The following CACYBP variants were observed in gnomAD, a reference collection of about 807,000 sequenced individuals.
The protein encoded by CACYBP is calcyclin-binding protein.
In CACYBP, 11 loss-of-function variants were observed where a neutral mutation model predicts 29.6. The ratio of observed to expected loss-of-function variants is 0.37; its 90% CI spans 0.23 to 0.61. The LOEUF (loss-of-function observed/expected upper bound fraction) is 0.61. Among genes scored for constraint, CACYBP ranks in the 20% least tolerant of loss-of-function variants. CACYBP has a pLI of 0.65. For synonymous variants in CACYBP, 73 were observed against 88.3 expected, an observed-to-expected ratio of 0.83 and a Z score of 0.97; for missense variants, 163 against 260.7, an observed-to-expected ratio of 0.63 and a Z score of 2.58.
chr1:175,008,939 C>T, intron 5 of CACYBP: 1 of 417,670 alleles, frequency 2.4e-6, no homozygotes. Context: ...TGCCCATTCC[C>T]AGATACTCTG....
chr1:175,001,665 C>T (rs1672491558), intron 1 of CACYBP, among the ~76,000 whole-genome samples: 1 of 152,224 alleles, frequency 6.6e-6, no homozygotes, highest in Admixed American at 6.5e-5. Context: ...AGTACACATG[C>T]TCTTTATGGC....
rs757580449 is a variant in CACYBP at position 175,011,976 on chromosome 1, T to TG, written c.*1898dup. On this transcript the variant is annotated 3_prime_UTR_variant, in exon 6 of 6. Transcript: ENST00000367679. ...AAAACTAGCTGGGCATGGTGGCAGATGCCTGTAACTCCAGCTACTCGGGAG... is the reference window on the plus strand; with the variant it reads ...AAAACTAGCTGGGCATGGTGGCAGATGGCCTGTAACTCCAGCTACTCGGGAG... Among the ~76,000 whole-genome samples the TG allele has an allele frequency of 1.1e-4, 16 of 152,120 alleles. No individual in the cohort carries two copies. Among genetic ancestry groups the TG allele is most frequent in the Non-Finnish European group, 2.1e-4 (14 of 68,026 alleles).
chr1:175,010,689 C>T lies in CACYBP; in HGVS notation c.*610C>T, dbSNP rs578111557. 1 of 152,156 alleles carries T rather than the reference C, an allele frequency of 6.6e-6. No individual in the cohort carries two copies. The highest frequency in any genetic ancestry group is 1.9e-4 in the East Asian group (1 of 5,182). The allele number at this position is 152,156 out of a possible 1,614,324, so 9.4% of individuals were successfully genotyped here. Reference sequence around the variant, plus strand: ...TAATAGACATATCTTTGTATGGTACCAGTTAGTTTTGCCGTGGATCAGATG... The same window carrying T: ...TAATAGACATATCTTTGTATGGTACTAGTTAGTTTTGCCGTGGATCAGATG... On this transcript the variant is annotated 3_prime_UTR_variant, in exon 6 of 6. Transcript: ENST00000367679.
Position 175,011,725 on chromosome 1 carries a change from T to TA in CACYBP, c.*1647dup, listed in dbSNP as rs1672761909. ...TTTTACCTTTCACTTGAAAAAGAAGTATAAAAACAACTGTATTGAGTTGAG... is the reference window on the plus strand; with the variant it reads ...TTTTACCTTTCACTTGAAAAAGAAGTAATAAAAACAACTGTATTGAGTTGAG... On this transcript the variant is annotated 3_prime_UTR_variant, in exon 6 of 6. Transcript: ENST00000367679. 1 of 152,104 alleles carries TA rather than the reference T, an allele frequency of 6.6e-6. No homozygotes were observed. The highest frequency in any genetic ancestry group is 1.5e-5 in the Non-Finnish European group (1 of 68,030). The allele number at this position is 152,104 out of a possible 1,614,324, so 9.4% of individuals were successfully genotyped here.
chr1:175,003,546 C>T (rs1241757630), intron 1 of CACYBP, among the ~76,000 whole-genome samples: 5 of 152,282 alleles, frequency 3.3e-5, no homozygotes, highest in African/African-American at 1.2e-4. Flanking sequence ...TTTTATAAGA[C>T]TATTAAGAAA....
chr1:175,002,540 T>G (rs1672518255), intron 1 of CACYBP, among the ~76,000 whole-genome samples: 1 of 152,116 alleles, frequency 6.6e-6, no homozygotes, highest in Admixed American at 6.5e-5. Flanking sequence ...TGGGTAGGGA[T>G]AAAAGAGAAA....
upstream of CACYBP, chr1:174,999,916 G>C: frequency 1.8e-6 from 1 of 544,386 alleles, no homozygotes; most frequent in Non-Finnish European, 3.2e-6. Context: ...TAGGCTCGGC[G>C]AGGCGAGGAA....
intron 1 of CACYBP, chr1:175,000,574 C>T (rs1020097189): frequency 7.1e-6 from 8 of 1,134,728 alleles, no homozygotes; most frequent in Non-Finnish European, 8.7e-6. Context: ...ACATGAGTGT[C>T]GTTCTTGGTA....
intron 5 of CACYBP, among the ~76,000 whole-genome samples, chr1:175,009,642 T>G (rs1158041245): frequency 2.5e-5 from 1 of 40,228 alleles, no homozygotes; most frequent in Non-Finnish European, 5.4e-5. Context: ...CAGGACTGTC[T>G]CAAAAAAAAA....
rs192630577 is a variant in CACYBP at position 175,010,255 on chromosome 1, T to C, written c.*176T>C. 5.5e-6 allele frequency: 3 copies of C among 541,228 alleles called. No homozygotes were observed. In the East Asian group the frequency reaches 9.2e-5, roughly 17 times the overall value. The allele number at this position is 541,228 out of a possible 1,614,324, so 33.5% of individuals were successfully genotyped here. A position where few individuals can be genotyped will look rare whatever the true frequency, so the allele number is the denominator to read the frequency against. Reference sequence around the variant, plus strand: ...GAGGATTTATTTAAATAAAATATGCTTATTAAACACTCCTGCAAAGATGGT... The same window carrying C: ...GAGGATTTATTTAAATAAAATATGCCTATTAAACACTCCTGCAAAGATGGT... On this transcript the variant is annotated 3_prime_UTR_variant, in exon 6 of 6. Coordinates refer to ENST00000367679, the MANE Select transcript of CACYBP (RefSeq NM_014412.3).
At chr1:175,000,420 C>T (rs1474200558) in intron 1 of CACYBP, 4 of 1,389,780 alleles carry the variant, frequency 2.9e-6, no homozygotes, top group African/African-American at 3.1e-5. Flanking sequence ...TGGGCTCGAG[C>T]GGGGGTGTGC....
Position 175,011,224 on chromosome 1 carries a change from A to G in CACYBP, c.*1145A>G, listed in dbSNP as rs368560590. Reference sequence around the variant, plus strand: ...AGAAGTGGTAGGATTTAAAATACAGAAACAGTTTATGTATAGGATAGCTAT... The same window carrying G: ...AGAAGTGGTAGGATTTAAAATACAGGAACAGTTTATGTATAGGATAGCTAT... On this transcript the variant is annotated 3_prime_UTR_variant, in exon 6 of 6. Transcript: ENST00000367679. The G allele has an allele frequency of 2.0e-5, 3 of 152,222 alleles. No individual in the cohort carries two copies. The East Asian group carries it at 5.8e-4, about 29-fold the overall frequency. The allele number at this position is 152,222 out of a possible 1,614,324, so 9.4% of individuals were successfully genotyped here. A position where few individuals can be genotyped will look rare whatever the true frequency, so the allele number is the denominator to read the frequency against.
rs1211130892 is a variant in CACYBP at position 175,000,206 on chromosome 1, C to A, written c.15+11C>A. 7.5e-6 allele frequency: 12 copies of A among 1,605,100 alleles called. No individual in the cohort carries two copies. Among genetic ancestry groups the A allele is most frequent in the Non-Finnish European group, 1.0e-5 (12 of 1,175,860 alleles). Reference sequence around the variant, plus strand: ...ATGGCTTCAGAAGAGGTAAGTGGTCCGGCCCCATATTCCTTATGCCCCCCG... The same window carrying A: ...ATGGCTTCAGAAGAGGTAAGTGGTCAGGCCCCATATTCCTTATGCCCCCCG... On this transcript the variant is annotated intron_variant, in intron 1 of 5. Transcript: ENST00000367679.
intron 3 of CACYBP, 74 bp downstream of exon 3, chr1:175,006,915 G>T: frequency 1.0e-6 from 1 of 952,556 alleles, no homozygotes; most frequent in Non-Finnish European, 1.7e-6. Flanking sequence ...TCTCTTCTTT[G>T]CAGTTTTTAA....
chr1:175,004,619 G>T lies in CACYBP; in HGVS notation c.21G>T (p.Gln7His). 1.9e-6 allele frequency: 3 copies of T among 1,582,960 alleles called. No homozygotes were observed. Among genetic ancestry groups the T allele is most frequent in the South Asian group, 2.3e-5 (2 of 86,318 alleles). MASEEL[Q>H]KDLEEVKVLL... ...TATTTTTTGTCTTAACACAGCTACA[G>T]AAAGATCTAGAAGAGGTAAAGGTGT... Residue 7 changes from glutamine to histidine, a missense_variant, in exon 2 of 6, where the codon CAG (glutamine) becomes CAT (histidine). Coordinates refer to ENST00000367679, the MANE Select transcript of CACYBP (RefSeq NM_014412.3).
intron 2 of CACYBP, among the ~76,000 whole-genome samples, chr1:175,005,839 T>C (rs945895762): frequency 6.6e-6 from 1 of 152,178 alleles, no homozygotes; most frequent in Non-Finnish European, 1.5e-5. Flanking sequence ...AAACTATTAA[T>C]AAATGAAGTT....
At chr1:175,002,929 A>G (rs1032148042) in intron 1 of CACYBP, among the ~76,000 whole-genome samples, 7 of 152,202 alleles carry the variant, frequency 4.6e-5, no homozygotes, top group African/African-American at 1.4e-4. Context: ...TTACATTTCA[A>G]TATTTTTATT....
At position 175,000,055 on chromosome 1, in the gene CACYBP, G is replaced by A; in HGVS notation, c.-126G>A. The A allele has an allele frequency of 7.4e-7, 1 of 1,348,646 alleles. No individual in the cohort carries two copies. The highest frequency in any genetic ancestry group is 1.0e-6 in the Non-Finnish European group (1 of 966,246). The allele number at this position is 1,348,646 out of a possible 1,614,324, so 83.5% of individuals were successfully genotyped here. A position where few individuals can be genotyped will look rare whatever the true frequency, so the allele number is the denominator to read the frequency against. On this transcript the variant is annotated 5_prime_UTR_variant, in exon 1 of 6. Transcript: ENST00000367679. The stretch of plus-strand genomic sequence containing the variant: ...GCGATCTTGCGCAGGGTCGGTGTGG[G>A]CGCAGGCTGCAGCGCCGCGACTCGT...
chr1:175,005,272 C>A (rs927113908), intron 2 of CACYBP, among the ~76,000 whole-genome samples: 11 of 152,116 alleles, frequency 7.2e-5, no homozygotes, highest in African/African-American at 2.4e-4. Context: ...TGACTAAGAC[C>A]CAGTCCTTGC....
Sources: gnomAD v4.1 joint callset for allele counts (sites outside exome capture counted in the v4.1 genomes callset) on GRCh38, gnomAD v4.1.1 for gene constraint, MANE v1.5 for transcripts, NCBI Gene and HGNC (gene_info 2026-07-23, HGNC 2026-07-21) for gene names.